The following ATAD1 variants were observed in gnomAD, a reference collection of about 807,000 sequenced individuals.
The protein encoded by ATAD1 is outer mitochondrial transmembrane helix translocase.
A neutral mutation model predicts 42.7 loss-of-function variants in ATAD1; 18 were observed. That is an observed-to-expected ratio of 0.42 (90% CI 0.29 to 0.63). ATAD1 has a LOEUF of 0.63. ATAD1 is among the 20% of genes least tolerant of loss of function. The pLI is 0.19. For synonymous variants in ATAD1, 132 were observed against 143.1 expected (o/e 0.92, Z 0.55); for missense variants, 294 against 440.4 (o/e 0.67, Z 2.98).
At chr10:87,783,503 T>C (rs188476329) in intron 5 of ATAD1, among the ~76,000 whole-genome samples, 1 of 152,054 alleles carries the variant, frequency 6.6e-6, no homozygotes, top group African/African-American at 2.4e-5. Flanking sequence ...AACAAAGCTA[T>C]ACTACATATT....
intron 1 of ATAD1, among the ~76,000 whole-genome samples, chr10:87,828,802 T>G (rs1857774934): frequency 6.6e-6 from 1 of 152,258 alleles, no homozygotes. Flanking sequence ...CAATGCTCAT[T>G]GGTCATTCTG....
At chr10:87,758,744 T>C (rs1020624887) in intron 8 of ATAD1, among the ~76,000 whole-genome samples, 3 of 152,086 alleles carry the variant, frequency 2.0e-5, no homozygotes, top group African/African-American at 7.2e-5. Context: ...CATTATATAA[T>C]GATAAAAAAA....
At chr10:87,814,133 C>T (rs1442884420) in intron 2 of ATAD1, among the ~76,000 whole-genome samples, 3 of 151,928 alleles carry the variant, frequency 2.0e-5, no homozygotes, top group Non-Finnish European at 4.4e-5. Context: ...TTTGGGTTAG[C>T]CTAAAAACTT....
At chr10:87,757,483 G>GA (rs1854278941) in intron 8 of ATAD1, among the ~76,000 whole-genome samples, 1 of 151,964 alleles carries the variant, frequency 6.6e-6, no homozygotes, top group African/African-American at 2.4e-5. Context: ...AAATAAGCAA[G>GA]AAAAAAATCT....
At chr10:87,759,672 G>A in intron 8 of ATAD1, 1 of 414,856 alleles carries the variant, frequency 2.4e-6, no homozygotes, top group South Asian at 1.7e-5. Flanking sequence ...GTCACTGGGG[G>A]AGCAAGATTT....
At chr10:87,769,749 C>T (rs190679066) in intron 7 of ATAD1, among the ~76,000 whole-genome samples, 288 of 152,056 alleles carry the variant, frequency 1.9e-3, no homozygotes, top group African/African-American at 6.4e-3. Flanking sequence ...AGTTCGAGAC[C>T]AGCCTGGCCA....
At chr10:87,781,953 GT>G (rs11313347) in intron 5 of ATAD1, among the ~76,000 whole-genome samples, 60,542 of 147,872 alleles carry the variant, frequency 0.41, 13,000 homozygotes, top group African/African-American at 0.57. Flanking sequence ...CCTGAGAATT[GT>G]TTTTTTTTTT....
intron 2 of ATAD1, among the ~76,000 whole-genome samples, chr10:87,804,375 T>C (rs1022926772): frequency 6.6e-6 from 1 of 152,164 alleles, no homozygotes; most frequent in Non-Finnish European, 1.5e-5. Flanking sequence ...TATAGTCTAA[T>C]TATTATTATT....
intron 5 of ATAD1, among the ~76,000 whole-genome samples, chr10:87,779,383 CA>C (rs1190863714): frequency 1.3e-5 from 2 of 152,138 alleles, no homozygotes; most frequent in African/African-American, 4.8e-5. Context: ...AATGAAATGA[CA>C]AGCCACAGAC....
chr10:87,782,474 GAAGA>G (rs1489422244), intron 5 of ATAD1, among the ~76,000 whole-genome samples: 1 of 152,112 alleles, frequency 6.6e-6, no homozygotes, highest in Non-Finnish European at 1.5e-5. Flanking sequence ...ATCGAAGGTA[GAAGA>G]AAAATAAAAT....
intron 5 of ATAD1, among the ~76,000 whole-genome samples, chr10:87,783,924 A>T (rs982264373): frequency 2.0e-5 from 3 of 148,876 alleles, no homozygotes; most frequent in East Asian, 3.9e-4. Context: ...AATAAACTGT[A>T]AAAAAAAAAC....
At position 87,771,005 on chromosome 10, in the gene ATAD1, GGTCC is replaced by G; in HGVS notation, c.723_726del (p.Gln241HisfsTer6). The G allele has an allele frequency of 6.2e-7, 1 of 1,613,468 alleles. No individual in the cohort carries two copies. Among genetic ancestry groups the G allele is most frequent in the Non-Finnish European group, 8.5e-7 (1 of 1,179,672 alleles). ...ATTCTTCTCATTATAGCCGAGTCAAGGTCCTGAGGACGATTGGTAGCTCCCATTA... is the reference window on the plus strand; with the variant it reads ...ATTCTTCTCATTATAGCCGAGTCAAGTGAGGACGATTGGTAGCTCCCATTA... On this transcript the variant is annotated frameshift_variant, in exon 7 of 10. Coordinates refer to ENST00000680024, the MANE Select transcript of ATAD1 (RefSeq NM_001321967.2). LOFTEE classifies it high-confidence loss of function.
At chr10:87,805,258 T>G (rs1350849573) in intron 2 of ATAD1, among the ~76,000 whole-genome samples, 1 of 152,226 alleles carries the variant, frequency 6.6e-6, no homozygotes, top group Non-Finnish European at 1.5e-5. Flanking sequence ...TTCTTTTCTA[T>G]TCTCCAACTA....
At chr10:87,777,760 C>G (rs1304178234) in intron 5 of ATAD1, among the ~76,000 whole-genome samples, 1 of 152,044 alleles carries the variant, frequency 6.6e-6, no homozygotes, top group Non-Finnish European at 1.5e-5. Flanking sequence ...GCAAGTGGCA[C>G]AAAAATATCT....
chr10:87,811,814 T>C (rs1339954299), intron 2 of ATAD1, among the ~76,000 whole-genome samples: 3 of 152,170 alleles, frequency 2.0e-5, no homozygotes, highest in South Asian at 2.1e-4. Flanking sequence ...GCAACTTCAA[T>C]TGCTATATGA....
intron 2 of ATAD1, among the ~76,000 whole-genome samples, chr10:87,798,990 T>C (rs927729634): frequency 6.6e-6 from 1 of 152,164 alleles, no homozygotes; most frequent in Non-Finnish European, 1.5e-5. Context: ...TGAAAATATA[T>C]AAAAGAGCTC....
In ATAD1 at chr10:87,770,367, G is replaced by A. The variant is rs1854972838; in HGVS notation, c.780+585C>T. Among the ~76,000 whole-genome samples, 3 of 152,144 alleles carry A rather than the reference G, an allele frequency of 2.0e-5. No individual in the cohort carries two copies. The South Asian group carries it at 6.2e-4, about 32-fold the overall frequency. On this transcript the variant is annotated intron_variant, in intron 7 of 9. Coordinates refer to ENST00000680024, the MANE Select transcript of ATAD1 (RefSeq NM_001321967.2). Reference sequence around the variant, plus strand: ...TGAAGATCTGTGCCAAAATTATAGTGTACTGGTAAGTCATAATCATCTACT... The same window carrying A: ...TGAAGATCTGTGCCAAAATTATAGTATACTGGTAAGTCATAATCATCTACT...
Position 87,751,527 on chromosome 10 carries a change from A to G in ATAD1, c.*3160T>C, listed in dbSNP as rs1854023402. 6.6e-6 allele frequency: 1 copy of G among 152,212 alleles called. No individual in the cohort carries two copies. Among genetic ancestry groups the G allele is most frequent in the Non-Finnish European group, 1.5e-5 (1 of 68,028 alleles). 9.4% of individuals were successfully genotyped at this position (152,212 alleles called of 1,614,324 possible). ...TTTTAGTCAATTATGTTAGAAGCTC[A>G]TATTTAATAAGGTTCAAGTTCTCCT... On this transcript the variant is annotated 3_prime_UTR_variant, in exon 10 of 10. Transcript: ENST00000680024.
intron 1 of ATAD1, among the ~76,000 whole-genome samples, chr10:87,826,278 A>G (rs1205194028): frequency 6.6e-6 from 1 of 152,200 alleles, no homozygotes; most frequent in Admixed American, 6.5e-5. Context: ...ACTTCAAAAT[A>G]GTATACCTGA....
Sources: gnomAD v4.1 joint callset for allele counts (sites outside exome capture counted in the v4.1 genomes callset) on GRCh38, gnomAD v4.1.1 for gene constraint, MANE v1.5 for transcripts, NCBI Gene and HGNC (gene_info 2026-07-23, HGNC 2026-07-21) for gene names.